Variants in MGAT4C observed in about 807,000 individuals in gnomAD.
The protein encoded by MGAT4C is MGAT4 family member C.
A neutral mutation model predicts 40.1 loss-of-function variants in MGAT4C; 19 were observed. The observed-to-expected ratio is 0.47, with a 90% CI of 0.33 to 0.70. The LOEUF is 0.70. MGAT4C is among the 30% of genes least tolerant of loss of function. MGAT4C has a pLI of 0.02. For missense variants in MGAT4C, 491 were observed against 563.2 expected, an observed-to-expected ratio of 0.87 and a Z score of 1.30; for synonymous variants, 181 against 187.1, an observed-to-expected ratio of 0.97 and a Z score of 0.27.
chr12:86,027,361 G>T (rs1890333517), intron 2 of MGAT4C, among the ~76,000 whole-genome samples: 1 of 151,690 alleles, frequency 6.6e-6, no homozygotes, highest in Admixed American at 6.6e-5. Flanking sequence ...ATATTTTAAA[G>T]TAATTTTGTT....
At chr12:86,487,065 C>T (rs369577820) in intron 2 of MGAT4C, among the ~76,000 whole-genome samples, 10 of 152,156 alleles carry the variant, frequency 6.6e-5, no homozygotes, top group East Asian at 1.9e-4. Context: ...ATAACAATAA[C>T]TGTGACAGAA....
chr12:86,006,952 T>C (rs1315243827), intron 2 of MGAT4C, among the ~76,000 whole-genome samples: 2 of 152,170 alleles, frequency 1.3e-5, no homozygotes, highest in African/African-American at 2.4e-5. Flanking sequence ...TTGAATAAAG[T>C]CTACTTTATC....
Position 86,480,573 on chromosome 12 carries a change from C to CAA in MGAT4C, c.-228-45309_-228-45308insTT, listed in dbSNP as rs1345697314. Among the ~76,000 whole-genome samples, 514 of 149,052 alleles carry CAA rather than the reference C, an allele frequency of 3.4e-3. 55 individuals carry two copies. Among genetic ancestry groups the CAA allele is most frequent in the Non-Finnish European group, 5.0e-3 (331 of 66,146 alleles). On this transcript the variant is annotated intron_variant, in intron 2 of 7. Transcript: ENST00000548651. ...ATGTATACATATATAGATATGTACA[C>CAA]ATATACATATGTATGTATACATATA...
At chr12:86,666,296 A>G (rs1457503280) in intron 2 of MGAT4C, among the ~76,000 whole-genome samples, 7 of 152,250 alleles carry the variant, frequency 4.6e-5, no homozygotes, top group East Asian at 1.9e-4. Context: ...TAAGATCACC[A>G]TTGTCATTTA....
At chr12:86,463,261 A>T (rs908307330) in intron 2 of MGAT4C, among the ~76,000 whole-genome samples, 2 of 152,204 alleles carry the variant, frequency 1.3e-5, no homozygotes, top group Non-Finnish European at 1.5e-5. Flanking sequence ...CAATCATTTG[A>T]AAATATAAAA....
chr12:86,335,430 G>C (rs1029018868), intron 3 of MGAT4C, among the ~76,000 whole-genome samples: 2 of 152,026 alleles, frequency 1.3e-5, no homozygotes, highest in South Asian at 2.1e-4. Flanking sequence ...CTATGGGAGA[G>C]TATAAGCCTA....
intron 1 of MGAT4C, among the ~76,000 whole-genome samples, chr12:86,063,827 T>C (rs899563139): frequency 6.6e-6 from 1 of 152,206 alleles, no homozygotes; most frequent in African/African-American, 2.4e-5. Context: ...ATGGTAAAGT[T>C]ATCAATGCAA....
chr12:86,042,937 T>A (rs1348110009), intron 2 of MGAT4C, among the ~76,000 whole-genome samples: 1 of 151,658 alleles, frequency 6.6e-6, no homozygotes, highest in Non-Finnish European at 1.5e-5. Context: ...AGGGTTTCTG[T>A]CAAAAAGTCT....
chr12:86,681,193 T>G (rs1419424568), intron 2 of MGAT4C, among the ~76,000 whole-genome samples: 1 of 152,004 alleles, frequency 6.6e-6, no homozygotes, highest in Non-Finnish European at 1.5e-5. Flanking sequence ...AGAATTTAGA[T>G]TTCATTGTGA....
intron 2 of MGAT4C, among the ~76,000 whole-genome samples, chr12:86,684,876 T>C (rs1950044767): frequency 6.6e-6 from 1 of 151,674 alleles, no homozygotes; most frequent in Admixed American, 6.6e-5. Flanking sequence ...AACTTTTTGA[T>C]GGGTTTTTTG....
At chr12:86,451,826 T>C (rs1037598739) in intron 2 of MGAT4C, among the ~76,000 whole-genome samples, 2 of 152,152 alleles carry the variant, frequency 1.3e-5, no homozygotes, top group Non-Finnish European at 2.9e-5. Context: ...TTATCAAAAA[T>C]TTCAGTGCTA....
chr12:86,578,006 T>C (rs1001571098), intron 2 of MGAT4C, among the ~76,000 whole-genome samples: 13 of 151,730 alleles, frequency 8.6e-5, no homozygotes, highest in Non-Finnish European at 1.3e-4. Context: ...TGAGTACCTT[T>C]TGAGGGCCAG....
At chr12:86,792,723 T>G (rs1201257177) in intron 1 of MGAT4C, among the ~76,000 whole-genome samples, 1 of 151,902 alleles carries the variant, frequency 6.6e-6, no homozygotes, top group East Asian at 1.9e-4. Flanking sequence ...CCTGAGGTCA[T>G]GAGTTCAAGA....
chr12:86,148,042 G>A (rs780673721), intron 1 of MGAT4C, among the ~76,000 whole-genome samples: 1 of 152,204 alleles, frequency 6.6e-6, no homozygotes, highest in Non-Finnish European at 1.5e-5. Context: ...ACAAAATAAT[G>A]TTAACAAAAA....
intron 4 of MGAT4C, among the ~76,000 whole-genome samples, chr12:86,296,491 T>G (rs1008534686): frequency 6.6e-6 from 1 of 152,082 alleles, no homozygotes; most frequent in African/African-American, 2.4e-5. Flanking sequence ...GCACAGGAAC[T>G]CATGGAGGTG....
chr12:86,639,717 A>G (rs1010392739), intron 2 of MGAT4C, among the ~76,000 whole-genome samples: 1 of 151,746 alleles, frequency 6.6e-6, no homozygotes, highest in African/African-American at 2.4e-5. Context: ...AAATCTCCCA[A>G]TAGGAATGGA....
intron 4 of MGAT4C, among the ~76,000 whole-genome samples, chr12:86,291,795 C>T (rs1461842584): frequency 7.1e-6 from 1 of 141,124 alleles, no homozygotes; most frequent in African/African-American, 2.7e-5. Flanking sequence ...TGCAATTAGC[C>T]AAAGATTCCG....
intron 1 of MGAT4C, among the ~76,000 whole-genome samples, chr12:86,247,517 A>G (rs1421978740): frequency 6.6e-6 from 1 of 152,228 alleles, no homozygotes; most frequent in Non-Finnish European, 1.5e-5. Context: ...CCTACAATGG[A>G]AACTTTTGAA....
chr12:86,460,821 C>T (rs570545076), intron 2 of MGAT4C, among the ~76,000 whole-genome samples: 2 of 151,778 alleles, frequency 1.3e-5, no homozygotes, highest in Non-Finnish European at 2.9e-5. Context: ...ATTTTCCATG[C>T]CATTTAAAAA....
Sources: allele counts gnomAD v4.1 joint callset (sites outside exome capture counted in the v4.1 genomes callset), GRCh38; gene constraint gnomAD v4.1.1; transcripts MANE v1.5; gene names NCBI Gene and HGNC (gene_info 2026-07-23, HGNC 2026-07-21).